SLIT2: variants seen among roughly 807,000 people sequenced by gnomAD.
SLIT2 encodes the protein slit guidance ligand 2.
In SLIT2, 41 loss-of-function variants were observed where a neutral mutation model predicts 185.7. That is an observed-to-expected ratio of 0.22 (90% CI 0.17 to 0.29). The LOEUF is 0.29. Ranked by LOEUF, SLIT2 falls within the 10% of genes least tolerant of loss-of-function variation. The probability of loss-of-function intolerance (pLI) is 1.00; values close to 1 mark genes in which losing one functional copy is unlikely to be tolerated. For missense variants in SLIT2, 1,571 were observed against 1,909.0 expected (o/e 0.82, Z 3.30); for synonymous variants, 693 against 680.2 (o/e 1.02, Z -0.29).
At chr4:20,553,069 G>C (rs192816045) in intron 25 of SLIT2, among the ~76,000 whole-genome samples, 1 of 152,246 alleles carries the variant, frequency 6.6e-6, no homozygotes, top group Admixed American at 6.5e-5. Context: ...TAAAATGAAC[G>C]ATCTTGAAAA....
In SLIT2 at chr4:20,323,172, A is replaced by C. The variant is rs116126862; in HGVS notation, c.395+54291A>C. 9.3e-3 allele frequency among the ~76,000 whole-genome samples: 1,390 copies of C among 149,418 alleles called. 20 individuals are homozygous for C. Among genetic ancestry groups the C allele is most frequent in the African/African-American group, 0.033 (1,330 of 40,826 alleles). The stretch of plus-strand genomic sequence containing the variant: ...TCTAGGCAAAGATAGTAAAAATTTC[A>C]GTTCCTTTTGTAAATAATTTCAGCT... On this transcript the variant is annotated intron_variant, in intron 4 of 36. Coordinates refer to ENST00000504154, the MANE Select transcript of SLIT2 (RefSeq NM_004787.4).
chr4:20,423,957 C>T (rs1728359472), intron 4 of SLIT2, among the ~76,000 whole-genome samples: 1 of 152,018 alleles, frequency 6.6e-6, no homozygotes. Context: ...GTTAAAGAAT[C>T]TATTGGCAAT....
intron 33 of SLIT2, among the ~76,000 whole-genome samples, chr4:20,603,785 A>G (rs184261481): frequency 3.5e-4 from 54 of 152,284 alleles, no homozygotes; most frequent in Admixed American, 1.8e-3. Context: ...ACAGGCTTAC[A>G]TTTCAACAAA....
intron 4 of SLIT2, among the ~76,000 whole-genome samples, chr4:20,378,694 CAGTT>C (rs1724233302): frequency 2.0e-5 from 3 of 152,102 alleles, no homozygotes; most frequent in African/African-American, 4.8e-5. Flanking sequence ...CTTTGGAAAA[CAGTT>C]AGCCAGTTTC....
At chr4:20,353,592 C>G (rs1722059219) in intron 4 of SLIT2, among the ~76,000 whole-genome samples, 1 of 152,082 alleles carries the variant, frequency 6.6e-6, no homozygotes, top group Non-Finnish European at 1.5e-5. Context: ...ACACCGTATT[C>G]AAAATATTGT....
intron 5 of SLIT2, among the ~76,000 whole-genome samples, chr4:20,469,372 A>G (rs1560449737): frequency 6.6e-6 from 1 of 152,068 alleles, no homozygotes; most frequent in Non-Finnish European, 1.5e-5. Context: ...GAATCCAAGT[A>G]AAAAAGTGGC....
intron 11 of SLIT2, among the ~76,000 whole-genome samples, chr4:20,511,619 G>A (rs1162294396): frequency 2.2e-5 from 1 of 45,272 alleles, no homozygotes; most frequent in Non-Finnish European, 4.5e-5. Flanking sequence ...TGGTAGAGAT[G>A]GAATTTCACA....
chr4:20,259,305 A>T (rs1269329994), intron 3 of SLIT2, among the ~76,000 whole-genome samples: 2 of 151,778 alleles, frequency 1.3e-5, no homozygotes, highest in Non-Finnish European at 1.5e-5. Context: ...CTAGTAAGTA[A>T]CTTGCAAAGA....
Position 20,606,658 on chromosome 4 carries a change from A to G in SLIT2, c.3693-3355A>G, listed in dbSNP as rs142158940. 7.9e-5 allele frequency among the ~76,000 whole-genome samples: 12 copies of G among 152,318 alleles called. No individual in the cohort carries two copies. The East Asian group carries it at 1.2e-3, about 15-fold the overall frequency. ...TTAAAGCTTTTAGGGAGAGAAAAGT[A>G]TAGTCAGTCTATCTCACTCATAATC... On this transcript the variant is annotated intron_variant, in intron 33 of 36. Coordinates refer to ENST00000504154, the MANE Select transcript of SLIT2 (RefSeq NM_004787.4).
intron 11 of SLIT2, among the ~76,000 whole-genome samples, chr4:20,518,589 T>TATA (rs1560495149): frequency 1.1e-3 from 7 of 6,230 alleles, no homozygotes; most frequent in South Asian, 0.012. Context: ...ATATATATAT[T>TATA]TTTTTTTTTT....
intron 4 of SLIT2, among the ~76,000 whole-genome samples, chr4:20,446,572 G>A (rs947049913): frequency 2.0e-5 from 3 of 152,152 alleles, no homozygotes; most frequent in Non-Finnish European, 4.4e-5. Flanking sequence ...ATCAAAATGA[G>A]TCAGGCAGTG....
At chr4:20,261,692 A>G (rs916316562) in intron 3 of SLIT2, among the ~76,000 whole-genome samples, 1 of 151,862 alleles carries the variant, frequency 6.6e-6, no homozygotes, top group Admixed American at 6.6e-5. Context: ...TTGTTATAGG[A>G]TGTTTTATTA....
intron 29 of SLIT2, among the ~76,000 whole-genome samples, chr4:20,583,143 T>A (rs1166905296): frequency 6.6e-6 from 1 of 152,206 alleles, no homozygotes; most frequent in Non-Finnish European, 1.5e-5. Context: ...CTACTTTACT[T>A]GGGAAATTAC....
At chr4:20,472,276 CTA>C (rs373745680) in intron 5 of SLIT2, among the ~76,000 whole-genome samples, 800 of 21,546 alleles carry the variant, frequency 0.037, 84 homozygotes, top group South Asian at 0.051. Flanking sequence ...AGATATATAT[CTA>C]TATATATAGA....
At chr4:20,604,620 T>C (rs1366026290) in intron 33 of SLIT2, among the ~76,000 whole-genome samples, 1 of 152,190 alleles carries the variant, frequency 6.6e-6, no homozygotes, top group Non-Finnish European at 1.5e-5. Context: ...GTGCTGGGAT[T>C]ACAGGCGTGA....
At chr4:20,290,755 GTT>G (rs11438198) in intron 4 of SLIT2, among the ~76,000 whole-genome samples, 24 of 141,696 alleles carry the variant, frequency 1.7e-4, no homozygotes, top group Admixed American at 2.8e-4. Flanking sequence ...TGTTTTCATG[GTT>G]TTTTTTTTTT....
intron 4 of SLIT2, among the ~76,000 whole-genome samples, chr4:20,413,633 C>G (rs1458784319): frequency 6.6e-6 from 1 of 151,974 alleles, no homozygotes; most frequent in Non-Finnish European, 1.5e-5. Context: ...TTTTACGTGT[C>G]ATGTTAATGA....
chr4:20,554,090 G>A, intron 26 of SLIT2, 122 bp downstream of exon 26: 1 of 822,270 alleles, frequency 1.2e-6, no homozygotes, highest in Non-Finnish European at 1.9e-6. Flanking sequence ...TATTTTTTCA[G>A]CCCATGCTTG....
intron 26 of SLIT2, among the ~76,000 whole-genome samples, chr4:20,562,088 A>C (rs1724739708): frequency 6.6e-6 from 1 of 151,782 alleles, no homozygotes; most frequent in South Asian, 2.1e-4. Context: ...TTGTGTTTTT[A>C]GCTAACGATT....
Sources: allele counts gnomAD v4.1 joint callset (sites outside exome capture counted in the v4.1 genomes callset), GRCh38; gene constraint gnomAD v4.1.1; transcripts MANE v1.5; gene names NCBI Gene and HGNC (gene_info 2026-07-23, HGNC 2026-07-21).